Variants in ANKRD36C observed in about 807,000 individuals in gnomAD.
ANKRD36C encodes ankyrin repeat domain 36C.
A neutral mutation model predicts 276.4 loss-of-function variants in ANKRD36C; 61 were observed. The ratio of observed to expected loss-of-function variants is 0.22; its 90% CI spans 0.18 to 0.27. The LOEUF is 0.27. ANKRD36C is among the 10% of genes least tolerant of loss of function. The pLI is 1.00. For synonymous variants in ANKRD36C, 483 were observed against 680.1 expected (o/e 0.71, Z 4.51); for missense variants, 1,447 against 2,032.3 (o/e 0.71, Z 5.54).
At chr2:95,873,972 G>A (rs1009582366) in intron 59 of ANKRD36C, among the ~76,000 whole-genome samples, 8 of 151,958 alleles carry the variant, frequency 5.3e-5, no homozygotes, top group Non-Finnish European at 1.2e-4. Flanking sequence ...AACTTACAAG[G>A]GATGTGAAGG....
At chr2:95,859,039 CTT>C (rs1553396938) in intron 61 of ANKRD36C, among the ~76,000 whole-genome samples, 5 of 145,994 alleles carry the variant, frequency 3.4e-5, no homozygotes, top group Admixed American at 6.8e-5. Context: ...AAACTGGATA[CTT>C]TTTTTTTTTT....
chr2:95,894,811 G>A (rs1676488769), intron 44 of ANKRD36C, among the ~76,000 whole-genome samples: 1 of 151,156 alleles, frequency 6.6e-6, no homozygotes, highest in Admixed American at 6.6e-5. Flanking sequence ...GAAATTGCTG[G>A]AGCTGCCAAA....
At chr2:95,956,067 G>A (rs557791615) in intron 13 of ANKRD36C, among the ~76,000 whole-genome samples, 4 of 152,146 alleles carry the variant, frequency 2.6e-5, no homozygotes, top group Admixed American at 2.6e-4. Flanking sequence ...AACTAGGCAG[G>A]GTACTCACTT....
At chr2:95,908,515 T>C in intron 42 of ANKRD36C, 2 of 1,535,104 alleles carry the variant, frequency 1.3e-6, no homozygotes, top group Non-Finnish European at 1.8e-6. Flanking sequence ...TCCTAGTTTT[T>C]TCTCCATGCT....
intron 42 of ANKRD36C, among the ~76,000 whole-genome samples, chr2:95,907,779 G>T (rs1676785927): frequency 6.7e-6 from 1 of 149,770 alleles, no homozygotes; most frequent in African/African-American, 2.5e-5. Flanking sequence ...TCATATTCAA[G>T]ATTATCTCAT....
At chr2:95,937,247 C>T (rs1677743391) in intron 22 of ANKRD36C, among the ~76,000 whole-genome samples, 1 of 152,298 alleles carries the variant, frequency 6.6e-6, no homozygotes, top group Non-Finnish European at 1.5e-5. Flanking sequence ...ATTACAATGA[C>T]ATAGTCTCTG....
chr2:95,980,447 T>C (rs1305261736), intron 5 of ANKRD36C, among the ~76,000 whole-genome samples: 2 of 152,126 alleles, frequency 1.3e-5, no homozygotes, highest in Admixed American at 6.6e-5. Context: ...ATCTTGCACC[T>C]ACTGCTACTT....
chr2:95,896,671 T>C (rs1242836018), intron 44 of ANKRD36C, among the ~76,000 whole-genome samples: 2 of 139,198 alleles, frequency 1.4e-5, no homozygotes, highest in African/African-American at 2.7e-5. Flanking sequence ...CTGCTTCCAG[T>C]AGTTCCTGGA....
rs779617137 is a variant in ANKRD36C, at chr2:95,859,616, TC to T, written c.3896+244del. ...AATTCTTCAATTAAATAATGAGATT[TC>T]CAAAGGGTAAAATTCTATACAGCCA... On this transcript the variant is annotated intron_variant, in intron 61 of 66. Transcript: ENST00000456556. Among the ~76,000 whole-genome samples, 5 of 152,124 alleles carry T rather than the reference TC, an allele frequency of 3.3e-5. No homozygotes were observed. In the East Asian group the frequency reaches 5.8e-4, roughly 18 times the overall value.
intron 3 of ANKRD36C, among the ~76,000 whole-genome samples, chr2:95,982,625 C>A (rs995352114): frequency 9.3e-6 from 1 of 107,682 alleles, no homozygotes; most frequent in African/African-American, 3.7e-5. Flanking sequence ...TGCTTCTGTC[C>A]CAGCATTTAG....
rs1275117399 is a variant in ANKRD36C at position 95,889,967 on chromosome 2, T to A, written c.2885A>T (p.Lys962Met). 3 of 1,609,822 alleles carry A rather than the reference T, an allele frequency of 1.9e-6. No homozygotes were observed. In the African/African-American group the frequency reaches 4.0e-5, roughly 22 times the overall value. The change falls in exon 47 of 67, where the codon AAG becomes ATG. Residue 962 changes from lysine to methionine, a missense_variant and splice_region_variant. Lys to Met is a moderately conservative substitution (Grantham distance 95, BLOSUM62 -1). This residue lies in a region of ANKRD36C where 565 missense variants were observed against 539.5 expected (regional missense o/e 1.05). Coordinates refer to ENST00000456556, the Ensembl canonical transcript of ANKRD36C. ...AAATATAAATGAGAGTTTAATTACC[T>A]TCAAGGCTGGTTGTTTATGAGAAGA...
intron 6 of ANKRD36C, among the ~76,000 whole-genome samples, chr2:95,965,489 T>G (rs1024076827): frequency 1.3e-5 from 2 of 152,168 alleles, no homozygotes; most frequent in African/African-American, 4.8e-5. Flanking sequence ...CTCAGGGTCA[T>G]GACATGTCGA....
chr2:95,886,728 A>G (rs1283566389), intron 50 of ANKRD36C, among the ~76,000 whole-genome samples: 2 of 151,746 alleles, frequency 1.3e-5, no homozygotes, highest in East Asian at 1.9e-4. Flanking sequence ...TCACTTGAAC[A>G]TACACTTCAC....
At chr2:95,982,136 T>C (rs1479159950) in intron 4 of ANKRD36C, 120 bp downstream of exon 4, 1 of 747,310 alleles carries the variant, frequency 1.3e-6, no homozygotes, top group African/African-American at 1.8e-5. Context: ...TTTCTCACTA[T>C]ATCCCAATAA....
At chr2:95,874,399 G>C (rs186707095) in intron 59 of ANKRD36C, among the ~76,000 whole-genome samples, 3,440 of 152,212 alleles carry the variant, frequency 0.023, 98 homozygotes, top group African/African-American at 0.079. Flanking sequence ...TCTGATCTTT[G>C]ACAACCCTGA....
intron 24 of ANKRD36C, among the ~76,000 whole-genome samples, chr2:95,933,999 A>G: frequency 6.6e-6 from 1 of 152,310 alleles, no homozygotes; most frequent in Non-Finnish European, 1.5e-5. Flanking sequence ...ACATATGAAA[A>G]AAAGGCTCAT....
chr2:95,863,302 C>T (rs562636607), intron 60 of ANKRD36C, among the ~76,000 whole-genome samples: 1 of 152,084 alleles, frequency 6.6e-6, no homozygotes, highest in South Asian at 2.1e-4. Flanking sequence ...CAATAGATAA[C>T]GTGAATTGCC....
chr2:95,968,068 G>C (rs2104516836), intron 6 of ANKRD36C, among the ~76,000 whole-genome samples: 1 of 152,146 alleles, frequency 6.6e-6, no homozygotes, highest in South Asian at 2.1e-4. Context: ...CTCCAGCCAG[G>C]GTGACAAAGT....
intron 14 of ANKRD36C, 88 bp from the exon 15 acceptor site, chr2:95,951,496 A>C: frequency 1.0e-6 from 1 of 975,738 alleles, no homozygotes; most frequent in East Asian, 2.8e-5. Flanking sequence ...ATCTAACAGG[A>C]AAAGTATGGA....
Sources: gnomAD v4.1 joint callset for allele counts (sites outside exome capture counted in the v4.1 genomes callset) on GRCh38, gnomAD v4.1.1 for gene constraint, gnomAD v4.1.1 regional missense constraint, MANE v1.5 for transcripts, NCBI Gene and HGNC (gene_info 2026-07-23, HGNC 2026-07-21) for gene names.